Variants in ATG5 observed in about 807,000 individuals in gnomAD.
The protein encoded by ATG5 is autophagy protein 5.
A neutral mutation model predicts 36.5 loss-of-function variants in ATG5; 14 were observed. The observed-to-expected ratio is 0.38, with a 90% CI of 0.25 to 0.60. The LOEUF is 0.60. Among genes scored for constraint, ATG5 ranks in the 20% least tolerant of loss-of-function variants. ATG5 has a pLI of 0.60. For missense variants in ATG5, 195 were observed against 326.7 expected (o/e 0.60, Z 3.11); for synonymous variants, 95 against 101.5 (o/e 0.94, Z 0.38).
intron 6 of ATG5, among the ~76,000 whole-genome samples, chr6:106,218,144 CAA>C (rs1777109702): frequency 6.6e-6 from 1 of 152,084 alleles, no homozygotes; most frequent in Non-Finnish European, 1.5e-5. Flanking sequence ...AATTCACTAG[CAA>C]AAGAGGGTAT....
chr6:106,272,733 A>C (rs998704763), intron 5 of ATG5, among the ~76,000 whole-genome samples: 1 of 152,222 alleles, frequency 6.6e-6, no homozygotes, highest in Non-Finnish European at 1.5e-5. Context: ...GTAGGTTCTT[A>C]TACTGGCTAG....
intron 6 of ATG5, among the ~76,000 whole-genome samples, chr6:106,229,078 T>C (rs1777561596): frequency 6.6e-6 from 1 of 152,242 alleles, no homozygotes. Context: ...CACGACTTTC[T>C]TGAAAGTGTA....
intron 6 of ATG5, among the ~76,000 whole-genome samples, chr6:106,236,499 T>C (rs1202549331): frequency 2.0e-5 from 3 of 152,234 alleles, no homozygotes; most frequent in African/African-American, 7.2e-5. Context: ...ACTTTGTTAA[T>C]CTTTTTAGTA....
chr6:106,245,700 T>C (rs543325757), intron 6 of ATG5, among the ~76,000 whole-genome samples: 2 of 152,318 alleles, frequency 1.3e-5, no homozygotes, highest in South Asian at 2.1e-4. Flanking sequence ...GTAAAAATTA[T>C]GCCCTTTATT....
At chr6:106,223,418 A>G (rs1777326307) in intron 6 of ATG5, among the ~76,000 whole-genome samples, 1 of 152,192 alleles carries the variant, frequency 6.6e-6, no homozygotes, top group Non-Finnish European at 1.5e-5. Context: ...AGTTTTCAAA[A>G]ATCCACATAG....
intron 6 of ATG5, among the ~76,000 whole-genome samples, chr6:106,205,607 T>C (rs1013610955): frequency 6.6e-6 from 1 of 152,174 alleles, no homozygotes; most frequent in Non-Finnish European, 1.5e-5. Context: ...AAAGGCCAAC[T>C]AGTCTTGGTT....
chr6:106,242,853 T>C (rs553618841), intron 6 of ATG5, among the ~76,000 whole-genome samples: 12 of 152,222 alleles, frequency 7.9e-5, no homozygotes, highest in Non-Finnish European at 1.5e-4. Context: ...AGATATCTAC[T>C]AAAATGGAAA....
Position 106,259,431 on chromosome 6 carries a change from T to C in ATG5, c.479-11187A>G, listed in dbSNP as rs538647684. The stretch of plus-strand genomic sequence containing the variant: ...TCCCAGTGTTTCTCAAATTTTTTCA[T>C]TTACAGCTCAGATATCTGAATTGCA... On this transcript the variant is annotated intron_variant, in intron 5 of 7. Coordinates refer to ENST00000369076, the MANE Select transcript of ATG5 (RefSeq NM_004849.4). Among the ~76,000 whole-genome samples the C allele has an allele frequency of 6.4e-4, 98 of 152,328 alleles. 2 individuals carry two copies. The South Asian group carries it at 0.019, about 30-fold the overall frequency.
chr6:106,239,071 C>G (rs1309106398), intron 6 of ATG5, among the ~76,000 whole-genome samples: 1 of 151,988 alleles, frequency 6.6e-6, no homozygotes, highest in Non-Finnish European at 1.5e-5. Flanking sequence ...TCAATTAATA[C>G]CAGAAAACAA....
chr6:106,296,147 T>C (rs1769921548), intron 3 of ATG5, among the ~76,000 whole-genome samples: 1 of 152,036 alleles, frequency 6.6e-6, no homozygotes, highest in South Asian at 2.1e-4. Flanking sequence ...CCAACTATTT[T>C]AATGATTGAC....
At chr6:106,319,326 A>C (rs1328871947) in intron 1 of ATG5, among the ~76,000 whole-genome samples, 1 of 149,778 alleles carries the variant, frequency 6.7e-6, no homozygotes, top group African/African-American at 2.5e-5. Context: ...AGTAGTAATT[A>C]TAGGTATAAA....
At chr6:106,262,177 A>G (rs1409493905) in intron 5 of ATG5, among the ~76,000 whole-genome samples, 1 of 152,140 alleles carries the variant, frequency 6.6e-6, no homozygotes, top group Non-Finnish European at 1.5e-5. Flanking sequence ...GGTTCAAGTG[A>G]TTCTCCTGCC....
intron 4 of ATG5, among the ~76,000 whole-genome samples, chr6:106,289,126 T>G (rs1010177731): frequency 5.9e-5 from 9 of 152,176 alleles, no homozygotes; most frequent in Non-Finnish European, 1.2e-4. Context: ...AGACACCAAG[T>G]GACACAAAAT....
intron 5 of ATG5, among the ~76,000 whole-genome samples, chr6:106,249,288 A>T (rs775112164): frequency 6.6e-5 from 10 of 152,116 alleles, no homozygotes; most frequent in South Asian, 4.1e-4. Context: ...CTGAAAAATC[A>T]CTACTTTCTA....
chr6:106,187,062 G>A (rs1490718806), intron 7 of ATG5, among the ~76,000 whole-genome samples: 1 of 152,168 alleles, frequency 6.6e-6, no homozygotes, highest in African/African-American at 2.4e-5. Flanking sequence ...AGTACATGAA[G>A]TCGGTCCATA....
intron 6 of ATG5, among the ~76,000 whole-genome samples, chr6:106,219,173 C>T (rs1198652685): frequency 2.0e-5 from 3 of 152,086 alleles, no homozygotes; most frequent in South Asian, 2.1e-4. Flanking sequence ...AAAATTTAGA[C>T]AAAATGTTAA....
Position 106,294,363 on chromosome 6 carries a change from T to A in ATG5, c.237-1257A>T, listed in dbSNP as rs374761639. On this transcript the variant is annotated intron_variant, in intron 3 of 7. Transcript: ENST00000369076. ...TGTGCTACTCTGGGCACGATGCTTA[T>A]GGGATAGCCCTGCACTGCAAGGAGC... Among the ~76,000 whole-genome samples the A allele has an allele frequency of 3.0e-4, 45 of 152,122 alleles. No homozygotes were observed. In the South Asian group the frequency reaches 9.1e-3, roughly 31 times the overall value.
chr6:106,278,454 A>T (rs1779746395), intron 5 of ATG5, among the ~76,000 whole-genome samples: 2 of 152,154 alleles, frequency 1.3e-5, no homozygotes, highest in Admixed American at 6.5e-5. Flanking sequence ...TTTTTATAGC[A>T]TCACTTCCTT....
chr6:106,187,747 A>C lies in ATG5; in HGVS notation c.692-1071T>G, dbSNP rs549732067. Among the ~76,000 whole-genome samples, 4 of 152,324 alleles carry C rather than the reference A, an allele frequency of 2.6e-5. No homozygotes were observed. In the South Asian group the frequency reaches 8.3e-4, roughly 32 times the overall value. ...TCTAAGGTCTGGGCAAAATGAGCTG[A>C]TGATGTATGGTGATAATGACTTGGC... On this transcript the variant is annotated intron_variant, in intron 7 of 7. Coordinates refer to ENST00000369076, the MANE Select transcript of ATG5 (RefSeq NM_004849.4).
Sources: allele counts gnomAD v4.1 joint callset (sites outside exome capture counted in the v4.1 genomes callset), GRCh38; gene constraint gnomAD v4.1.1; transcripts MANE v1.5; gene names NCBI Gene and HGNC (gene_info 2026-07-23, HGNC 2026-07-21).